The following FAM110B variants were observed in gnomAD, a reference collection of about 807,000 sequenced individuals.
The protein encoded by FAM110B is protein FAM110B.
FAM110B carries 6 observed loss-of-function variants against 20.4 expected under a neutral mutation model. That is an observed-to-expected ratio of 0.29 (90% CI 0.16 to 0.58). The LOEUF (loss-of-function observed/expected upper bound fraction) is 0.58, where lower values mean the gene tolerates loss of function less well. Among genes scored for constraint, FAM110B ranks in the 20% least tolerant of loss-of-function variants. The probability of loss-of-function intolerance (pLI) is 0.90; values close to 1 mark genes in which losing one functional copy is unlikely to be tolerated. For synonymous variants in FAM110B, 226 were observed against 214.1 expected, an observed-to-expected ratio of 1.06 and a Z score of -0.49; for missense variants, 434 against 498.2, an observed-to-expected ratio of 0.87 and a Z score of 1.23.
chr8:58,069,523 TTGTGTAGTGGCCAAA>T (rs1156316790), intron 2 of FAM110B, among the ~76,000 whole-genome samples: 1 of 152,232 alleles, frequency 6.6e-6, no homozygotes, highest in Non-Finnish European at 1.5e-5. Flanking sequence ...GGCCGTTCAG[TTGTGTAGTGGCCAAA>T]TGTGTTTAAT....
intron 1 of FAM110B, among the ~76,000 whole-genome samples, chr8:57,996,564 A>T (rs926153742): frequency 3.3e-5 from 5 of 152,206 alleles, no homozygotes; most frequent in Admixed American, 2.0e-4. Flanking sequence ...TAAGGGCAAG[A>T]CATCAGTCTT....
At chr8:58,036,955 G>A (rs534557459) in intron 2 of FAM110B, among the ~76,000 whole-genome samples, 4 of 152,054 alleles carry the variant, frequency 2.6e-5, no homozygotes, top group African/African-American at 4.8e-5. Context: ...AGATTTTCCC[G>A]GAATGAGTTT....
intron 3 of FAM110B, among the ~76,000 whole-genome samples, chr8:58,108,993 C>T (rs947556511): frequency 7.9e-5 from 12 of 152,206 alleles, no homozygotes; most frequent in African/African-American, 1.9e-4. Context: ...AGACTCTAAT[C>T]GGTGAGGAAA....
Position 58,146,366 on chromosome 8 carries a change from A to C in FAM110B, c.136A>C (p.Lys46Gln). 3 of 1,614,050 alleles carry C rather than the reference A, an allele frequency of 1.9e-6. No homozygotes were observed. Among genetic ancestry groups the C allele is most frequent in the Non-Finnish European group, 2.5e-6 (3 of 1,179,980 alleles). Reference sequence around the variant, plus strand: ...CCGCAGGCAGGCCGAGCCCAACCCCAAGAGGCTCAGCGCCGTGGAGAGGCT... The same window carrying C: ...CCGCAGGCAGGCCGAGCCCAACCCCCAGAGGCTCAGCGCCGTGGAGAGGCT... ...YFRRQAEPNP[K>Q]RLSAVERLEA... Residue 46 changes from lysine (K) to glutamine (Q), a missense_variant, in exon 4 of 4, where the codon AAG becomes CAG. Lys to Gln is a moderately conservative substitution (Grantham distance 53). Coordinates refer to ENST00000519262, the MANE Select transcript of FAM110B (RefSeq NM_001377989.1).
intron 1 of FAM110B, among the ~76,000 whole-genome samples, chr8:58,027,042 G>C (rs1804867935): frequency 6.6e-6 from 1 of 152,138 alleles, no homozygotes; most frequent in Non-Finnish European, 1.5e-5. Context: ...GTCTTTCACA[G>C]TGTTTACCCA....
intron 3 of FAM110B, among the ~76,000 whole-genome samples, chr8:58,142,179 A>G (rs551965443): frequency 4.6e-5 from 7 of 152,332 alleles, no homozygotes; most frequent in Admixed American, 2.6e-4. Flanking sequence ...GCTCATTCAG[A>G]GACAAGTAAC....
chr8:58,016,062 T>A (rs762601312), intron 1 of FAM110B, among the ~76,000 whole-genome samples: 1 of 152,182 alleles, frequency 6.6e-6, no homozygotes, highest in South Asian at 2.1e-4. Flanking sequence ...AACAAAGCTA[T>A]GTAGAGTATC....
chr8:58,022,577 A>G (rs1804777398), intron 1 of FAM110B, among the ~76,000 whole-genome samples: 1 of 152,222 alleles, frequency 6.6e-6, no homozygotes, highest in Non-Finnish European at 1.5e-5. Flanking sequence ...ATAAAACATG[A>G]TGTCTCAATA....
intron 3 of FAM110B, among the ~76,000 whole-genome samples, chr8:58,142,575 A>G (rs1294658775): frequency 1.6e-5 from 1 of 62,828 alleles, no homozygotes; most frequent in Non-Finnish European, 3.3e-5. Context: ...CATCACCCCC[A>G]GGCCAGATTG....
intron 3 of FAM110B, among the ~76,000 whole-genome samples, chr8:58,120,809 G>A (rs1807341342): frequency 6.6e-6 from 1 of 152,216 alleles, no homozygotes; most frequent in African/African-American, 2.4e-5. Context: ...CTAGATGGAA[G>A]ACTGGGAGAA....
Position 58,032,224 on chromosome 8 carries a change from C to T in FAM110B, c.-414+521C>T, listed in dbSNP as rs138529515. 8.7e-4 allele frequency: 132 copies of T among 152,320 alleles called. 1 individual carries two copies. The highest frequency in any genetic ancestry group is 3.2e-3 in the African/African-American group (131 of 41,578). 9.4% of individuals were successfully genotyped at this position (152,320 alleles called of 1,614,324 possible). On this transcript the variant is annotated intron_variant, in intron 2 of 3. Transcript: ENST00000519262. Reference sequence around the variant, plus strand: ...GAACACTCAGTGGACATTTAACTTCCCCAATTGGGACTGTTAGAATTATAA... The same window carrying T: ...GAACACTCAGTGGACATTTAACTTCTCCAATTGGGACTGTTAGAATTATAA...
At chr8:58,088,363 G>A (rs1449243342) in intron 3 of FAM110B, among the ~76,000 whole-genome samples, 4 of 151,970 alleles carry the variant, frequency 2.6e-5, no homozygotes, top group African/African-American at 7.3e-5. Flanking sequence ...TCCAAATGAC[G>A]CTTCAAGTCA....
At chr8:58,102,837 G>A (rs1164952078) in intron 3 of FAM110B, among the ~76,000 whole-genome samples, 2 of 151,836 alleles carry the variant, frequency 1.3e-5, no homozygotes, top group Non-Finnish European at 2.9e-5. Context: ...ATCTCTCCTG[G>A]TACAGTAGCC....
At chr8:58,038,957 G>A (rs546098228) in intron 2 of FAM110B, among the ~76,000 whole-genome samples, 7 of 152,330 alleles carry the variant, frequency 4.6e-5, no homozygotes, top group South Asian at 2.1e-4. Flanking sequence ...CCCGCTGTGC[G>A]GTGCCAGAAA....
At chr8:57,999,410 C>T (rs920403833) in intron 1 of FAM110B, among the ~76,000 whole-genome samples, 6 of 152,102 alleles carry the variant, frequency 3.9e-5, no homozygotes, top group Non-Finnish European at 8.8e-5. Context: ...TGTTGTAATG[C>T]AAAACATTTT....
At chr8:58,107,077 TA>T (rs11435278) in intron 3 of FAM110B, among the ~76,000 whole-genome samples, 8,256 of 147,606 alleles carry the variant, frequency 0.056, 739 homozygotes, top group African/African-American at 0.19. Flanking sequence ...CTGGCGGTGG[TA>T]AAAAAAAAAA....
intron 2 of FAM110B, among the ~76,000 whole-genome samples, chr8:58,038,380 A>G (rs1475338301): frequency 6.6e-6 from 1 of 152,236 alleles, no homozygotes; most frequent in African/African-American, 2.4e-5. Context: ...TGATTTTCAG[A>G]GGAGAAAACG....
intron 3 of FAM110B, among the ~76,000 whole-genome samples, chr8:58,082,958 A>C (rs545700556): frequency 1.3e-5 from 2 of 150,164 alleles, no homozygotes; most frequent in East Asian, 3.9e-4. Context: ...TCAGTGAGCT[A>C]TGATCATGCC....
chr8:58,005,574 T>C (rs1041326356), intron 1 of FAM110B, among the ~76,000 whole-genome samples: 1 of 152,242 alleles, frequency 6.6e-6, no homozygotes, highest in Non-Finnish European at 1.5e-5. Flanking sequence ...AAGCAAGGTA[T>C]GCCTGTGTAT....
Sources: gnomAD v4.1 joint callset for allele counts (sites outside exome capture counted in the v4.1 genomes callset) on GRCh38, gnomAD v4.1.1 for gene constraint, MANE v1.5 for transcripts, NCBI Gene and HGNC (gene_info 2026-07-23, HGNC 2026-07-21) for gene names.